KHDRBS2: variants seen among roughly 807,000 people sequenced by gnomAD.
KHDRBS2 encodes the protein KH RNA binding domain containing, signal transduction associated 2, also known as KH domain-containing, RNA-binding, signal transduction-associated protein 2.
A neutral mutation model predicts 44.3 loss-of-function variants in KHDRBS2; 26 were observed. The ratio of observed to expected loss-of-function variants is 0.59; its 90% CI spans 0.43 to 0.81. The LOEUF is 0.81. Among genes scored for constraint, KHDRBS2 ranks in the 40% least tolerant of loss-of-function variants. The pLI is 0.00. For missense variants in KHDRBS2, 476 were observed against 433.1 expected (o/e 1.10, Z -0.88); for synonymous variants, 194 against 151.1 (o/e 1.28, Z -2.08).
chr6:61,993,126 G>A (rs1731748091), intron 3 of KHDRBS2, among the ~76,000 whole-genome samples: 1 of 152,158 alleles, frequency 6.6e-6, no homozygotes, highest in Non-Finnish European at 1.5e-5. Context: ...TTTGGGAAAA[G>A]TGTAAAGGCA....
intron 6 of KHDRBS2, among the ~76,000 whole-genome samples, chr6:61,790,375 C>A: frequency 6.8e-6 from 1 of 146,948 alleles, no homozygotes; most frequent in African/African-American, 2.5e-5. Context: ...AGAAGTTAAT[C>A]AAAGCTTTCA....
chr6:62,284,086 T>C (rs1217312655), intron 1 of KHDRBS2, among the ~76,000 whole-genome samples: 2 of 152,146 alleles, frequency 1.3e-5, no homozygotes, highest in African/African-American at 2.4e-5. Flanking sequence ...AGAAATCAAG[T>C]TCCTAGGAAA....
chr6:61,887,385 A>G (rs965087718), intron 6 of KHDRBS2, among the ~76,000 whole-genome samples: 12 of 152,292 alleles, frequency 7.9e-5, no homozygotes, highest in Middle Eastern at 3.4e-3. Context: ...ATCTACTTCA[A>G]TCATGAAGAT....
At chr6:61,567,661 A>G in the KHDRBS2 span, among the ~76,000 whole-genome samples, 89,709 of 151,618 alleles carry the variant, frequency 0.59, 26,744 homozygotes, top group Non-Finnish European at 0.61. Context: ...AAACAAACAA[A>G]AAAAAGGATT....
chr6:61,611,029 G>A, the KHDRBS2 span, among the ~76,000 whole-genome samples: 6 of 152,298 alleles, frequency 3.9e-5, no homozygotes, highest in African/African-American at 1.4e-4. Context: ...TTCATATCTA[G>A]ATGGAAACTG....
At chr6:61,847,164 T>C (rs1794536518) in intron 6 of KHDRBS2, among the ~76,000 whole-genome samples, 1 of 152,160 alleles carries the variant, frequency 6.6e-6, no homozygotes, top group Admixed American at 6.6e-5. Context: ...TTATTTTTTA[T>C]AGGGTAAGGA....
chr6:62,031,882 C>T (rs1274228225), intron 3 of KHDRBS2, among the ~76,000 whole-genome samples: 2 of 152,034 alleles, frequency 1.3e-5, no homozygotes, highest in Non-Finnish European at 2.9e-5. Flanking sequence ...GAGCCTTGAA[C>T]AAACATAGGC....
the KHDRBS2 span, among the ~76,000 whole-genome samples, chr6:61,557,850 C>T: frequency 2.0e-5 from 3 of 152,006 alleles, no homozygotes; most frequent in Admixed American, 6.6e-5. Context: ...TTTGCATATC[C>T]TCATGGTTCA....
intron 3 of KHDRBS2, among the ~76,000 whole-genome samples, chr6:62,017,832 T>A (rs1185489950): frequency 1.3e-5 from 2 of 152,140 alleles, no homozygotes; most frequent in African/African-American, 4.8e-5. Context: ...AGTGTAAGGA[T>A]GTTCAATTAT....
intron 1 of KHDRBS2, among the ~76,000 whole-genome samples, chr6:62,227,449 T>C (rs1832083614): frequency 1.3e-5 from 2 of 152,210 alleles, no homozygotes; most frequent in South Asian, 4.1e-4. Context: ...TTTCTAAATA[T>C]GTAATCATAT....
intron 2 of KHDRBS2, among the ~76,000 whole-genome samples, chr6:62,048,385 A>T (rs1788218196): frequency 6.6e-6 from 1 of 151,896 alleles, no homozygotes; most frequent in South Asian, 2.1e-4. Context: ...TTTTAACGTA[A>T]GTCTATGAAC....
chr6:61,585,085 G>A, the KHDRBS2 span, among the ~76,000 whole-genome samples: 6 of 151,688 alleles, frequency 4.0e-5, no homozygotes, highest in South Asian at 2.1e-4. Flanking sequence ...GTGGAGCGTC[G>A]AAAAGAGCTG....
At chr6:62,004,849 C>T (rs1562624232) in intron 3 of KHDRBS2, among the ~76,000 whole-genome samples, 1 of 152,018 alleles carries the variant, frequency 6.6e-6, no homozygotes, top group Non-Finnish European at 1.5e-5. Flanking sequence ...GGATTAAAGG[C>T]TGGTTCAACA....
At chr6:61,720,239 C>G (rs1182257143) in intron 7 of KHDRBS2, among the ~76,000 whole-genome samples, 1 of 152,110 alleles carries the variant, frequency 6.6e-6, no homozygotes. Flanking sequence ...AATAAACATA[C>G]GTGTGCATGT....
At chr6:62,051,682 C>G (rs183738513) in intron 2 of KHDRBS2, among the ~76,000 whole-genome samples, 19 of 152,018 alleles carry the variant, frequency 1.2e-4, no homozygotes, top group Admixed American at 1.1e-3. Context: ...AGGAAACAAT[C>G]GCCAAACTGG....
At chr6:61,617,649 T>G in the KHDRBS2 span, among the ~76,000 whole-genome samples, 52 of 152,262 alleles carry the variant, frequency 3.4e-4, 1 homozygote, top group East Asian at 9.4e-3. Flanking sequence ...TTTTTTTATC[T>G]ATTTTGAGTA....
chr6:61,868,326 G>A (rs1475200863), intron 6 of KHDRBS2, among the ~76,000 whole-genome samples: 1 of 152,130 alleles, frequency 6.6e-6, no homozygotes, highest in Non-Finnish European at 1.5e-5. Flanking sequence ...AAAGGTGGCA[G>A]ACCTCCCCTC....
intron 2 of KHDRBS2, among the ~76,000 whole-genome samples, chr6:62,061,546 G>A (rs1228776113): frequency 6.7e-6 from 1 of 148,970 alleles, no homozygotes; most frequent in African/African-American, 2.5e-5. Flanking sequence ...GAGATCCGCT[G>A]TTAGTCTGAT....
intron 3 of KHDRBS2, among the ~76,000 whole-genome samples, chr6:61,995,137 G>T (rs757452660): frequency 6.6e-6 from 1 of 152,016 alleles, no homozygotes; most frequent in Non-Finnish European, 1.5e-5. Context: ...ACTATATTAT[G>T]TATAATATAT....
Sources: allele counts gnomAD v4.1 joint callset (sites outside exome capture counted in the v4.1 genomes callset), GRCh38; gene constraint gnomAD v4.1.1; transcripts MANE v1.5; gene names NCBI Gene and HGNC (gene_info 2026-07-23, HGNC 2026-07-21).